ZNF160: variants seen among roughly 807,000 people sequenced by gnomAD.
ZNF160 encodes zinc finger protein 160.
ZNF160 carries 9 observed loss-of-function variants against 13.1 expected under a neutral mutation model. The ratio of observed to expected loss-of-function variants is 0.69; its 90% CI spans 0.41 to 1.20. ZNF160 has a LOEUF of 1.20. ZNF160 is among the 50% of genes most tolerant of loss of function. The probability of loss-of-function intolerance (pLI) is 0.01; values close to 1 mark genes in which losing one functional copy is unlikely to be tolerated. For synonymous variants in ZNF160, 293 were observed against 333.2 expected (o/e 0.88, Z 1.31); for missense variants, 838 against 988.0 (o/e 0.85, Z 2.04).
intron 2 of ZNF160, chr19:53,091,167 A>G (rs1228409562): frequency 2.0e-5 from 3 of 152,172 alleles, no homozygotes; most frequent in Non-Finnish European, 4.4e-5. Flanking sequence ...CAGGCAACAC[A>G]GTGAGACTTC....
chr19:53,069,678 T>C lies in ZNF160; in HGVS notation c.856A>G (p.Lys286Glu). The change falls in exon 6 of 6, where the codon AAA becomes GAA. Residue 286 changes from lysine (K) to glutamate (E), a missense_variant. By Grantham distance (56) the Lys-to-Glu change is moderately conservative (BLOSUM62 1). Coordinates refer to ENST00000683776, the MANE Select transcript of ZNF160 (RefSeq NM_001322131.2). The surrounding 1 kb of genome is among the most constrained non-coding windows in gnomAD (Gnocchi z 4.4). ...RRIHSGEKPY[K>E]CSECGKTFTV... Reference sequence around the variant, plus strand: ...AAGGTTTTGCCGCACTCACTGCATTTGTAAGGCTTCTCTCCACTATGAATT... The same window carrying C: ...AAGGTTTTGCCGCACTCACTGCATTCGTAAGGCTTCTCTCCACTATGAATT... 4 of 1,614,186 alleles carry C rather than the reference T, an allele frequency of 2.5e-6. No individual in the cohort carries two copies. Among genetic ancestry groups the C allele is most frequent in the Non-Finnish European group, 3.4e-6 (4 of 1,180,012 alleles).
intron 1 of ZNF160, among the ~76,000 whole-genome samples, chr19:53,097,972 C>T (rs930880027): frequency 6.6e-6 from 1 of 152,194 alleles, no homozygotes; most frequent in Non-Finnish European, 1.5e-5. Context: ...GTTCTAAGTA[C>T]ACTTCGGGAT....
intron 5 of ZNF160, among the ~76,000 whole-genome samples, chr19:53,072,105 C>CTTT (rs66465576): frequency 2.1e-5 from 3 of 141,528 alleles, no homozygotes; most frequent in Admixed American, 7.1e-5. Flanking sequence ...TTCTTTCTTT[C>CTTT]TTTTTTTTTT....
Position 53,098,687 on chromosome 19 carries a change from ACTT to A in ZNF160, c.-354+4575_-354+4577del, listed in dbSNP as rs1426064913. ...CCTTCATGGCCCACTTAGCTTCTGA[ACTT>A]CTCGCCACCCTTCCTGAAGGGAATC... On this transcript the variant is annotated intron_variant, in intron 1 of 5. Transcript: ENST00000683776. 2.0e-5 allele frequency among the ~76,000 whole-genome samples: 3 copies of A among 151,392 alleles called. No individual in the cohort carries two copies. The East Asian group carries it at 5.8e-4, about 29-fold the overall frequency.
intron 5 of ZNF160, chr19:53,073,083 C>G (rs1365335842): frequency 1.6e-5 from 15 of 919,080 alleles, no homozygotes; most frequent in African/African-American, 3.4e-5. Context: ...AAAAACCTAT[C>G]ATTTACTCCT....
chr19:53,084,378 A>C (rs1049691869), intron 3 of ZNF160, among the ~76,000 whole-genome samples: 1 of 152,172 alleles, frequency 6.6e-6, no homozygotes, highest in Non-Finnish European at 1.5e-5. Context: ...TCTTCCCCTA[A>C]GCTAGCTTTG....
chr19:53,083,927 T>C (rs7257177), intron 3 of ZNF160, among the ~76,000 whole-genome samples: 5,032 of 152,180 alleles, frequency 0.033, 250 homozygotes, highest in African/African-American at 0.11. Context: ...TTTTCTCTTA[T>C]TTTCTCCTTT....
chr19:53,074,721 G>A (rs909903614), intron 4 of ZNF160, among the ~76,000 whole-genome samples: 10 of 150,242 alleles, frequency 6.7e-5, no homozygotes, highest in Non-Finnish European at 1.5e-5. Context: ...GAATACCCAG[G>A]AAACATGGTA....
At chr19:53,073,554 G>A (rs761338755) in intron 5 of ZNF160, 11 of 1,560,206 alleles carry the variant, frequency 7.1e-6, no homozygotes, top group Middle Eastern at 1.8e-4. Context: ...AGGTCTAGAC[G>A]TCAGGACTAA....
intron 3 of ZNF160, among the ~76,000 whole-genome samples, chr19:53,080,132 G>A (rs1319566260): frequency 1.4e-5 from 2 of 147,710 alleles, no homozygotes; most frequent in Non-Finnish European, 3.0e-5. Context: ...TTGAGATGGA[G>A]TTTCGCTCTT....
chr19:53,075,739 T>A (rs184124710), intron 3 of ZNF160: 23 of 518,858 alleles, frequency 4.4e-5, no homozygotes, highest in Non-Finnish European at 8.1e-5. Context: ...CTATAATAAA[T>A]GGGTAAATAT....
chr19:53,071,795 C>T (rs1031977305), intron 5 of ZNF160, among the ~76,000 whole-genome samples: 3 of 151,998 alleles, frequency 2.0e-5, no homozygotes, highest in Non-Finnish European at 4.4e-5. Flanking sequence ...TACCAATTGG[C>T]CAAAAACATA....
chr19:53,087,620 G>A (rs867408302), intron 2 of ZNF160, among the ~76,000 whole-genome samples: 9 of 152,012 alleles, frequency 5.9e-5, no homozygotes, highest in African/African-American at 1.7e-4. Context: ...GCGTGATCTC[G>A]GCTCACTGCA....
At chr19:53,089,631 T>C (rs1335861628) in intron 2 of ZNF160, among the ~76,000 whole-genome samples, 1 of 152,190 alleles carries the variant, frequency 6.6e-6, no homozygotes, top group Non-Finnish European at 1.5e-5. Flanking sequence ...TTCTCATCTT[T>C]ATCTGTGTAT....
chr19:53,096,424 G>A (rs888494395), intron 1 of ZNF160, among the ~76,000 whole-genome samples: 2 of 151,624 alleles, frequency 1.3e-5, no homozygotes, highest in African/African-American at 2.4e-5. Context: ...CTGTGGAAGG[G>A]CAAGCGCAAG....
At chr19:53,080,172 C>T (rs889924503) in intron 3 of ZNF160, among the ~76,000 whole-genome samples, 15 of 150,460 alleles carry the variant, frequency 1.0e-4, no homozygotes, top group Non-Finnish European at 1.8e-4. Context: ...GATCTTGGCT[C>T]ACCACAACCT....
intron 1 of ZNF160, among the ~76,000 whole-genome samples, chr19:53,094,892 G>C (rs531322745): frequency 6.6e-6 from 1 of 152,110 alleles, no homozygotes. Flanking sequence ...AAGAGGAGTA[G>C]AGAGCCCAGG....
chr19:53,078,817 T>G (rs1027832711), intron 3 of ZNF160, among the ~76,000 whole-genome samples: 7 of 149,306 alleles, frequency 4.7e-5, no homozygotes, highest in African/African-American at 1.7e-4. Flanking sequence ...AAAAAAATCC[T>G]AGAACAAAGA....
chr19:53,081,989 C>T (rs552749349), intron 3 of ZNF160, among the ~76,000 whole-genome samples: 90 of 152,262 alleles, frequency 5.9e-4, no homozygotes, highest in South Asian at 2.7e-3. Context: ...AGCTGGAGGC[C>T]GTTATCCCTA....
Sources: allele counts gnomAD v4.1 joint callset (sites outside exome capture counted in the v4.1 genomes callset), GRCh38; gene constraint gnomAD v4.1.1; non-coding constraint Gnocchi (gnomAD v3.1); transcripts MANE v1.5; gene names NCBI Gene and HGNC (gene_info 2026-07-23, HGNC 2026-07-21).